CLASP1: variants seen among roughly 807,000 people sequenced by gnomAD.
CLASP1 encodes the protein cytoplasmic linker associated protein 1.
A neutral mutation model predicts 192.3 loss-of-function variants in CLASP1; 38 were observed. The ratio of observed to expected loss-of-function variants is 0.20; its 90% CI spans 0.15 to 0.26. CLASP1 has a LOEUF of 0.26. Among genes scored for constraint, CLASP1 ranks in the 10% least tolerant of loss-of-function variants. The probability of loss-of-function intolerance (pLI) is 1.00; values close to 1 mark genes in which losing one functional copy is unlikely to be tolerated. For missense variants in CLASP1, 1,433 were observed against 1,932.5 expected (o/e 0.74, Z 4.85); for synonymous variants, 691 against 712.8 (o/e 0.97, Z 0.49).
At chr2:121,418,775 T>C (rs2079015269) in intron 22 of CLASP1, 46 bp from the exon 23 acceptor site, 2 of 1,290,608 alleles carry the variant, frequency 1.5e-6, no homozygotes, top group Non-Finnish European at 2.2e-6. Flanking sequence ...ACAAGTTTAA[T>C]GAAGACAGAT....
At chr2:121,386,886 T>G (rs1038013060) in intron 32 of CLASP1, among the ~76,000 whole-genome samples, 1 of 152,164 alleles carries the variant, frequency 6.6e-6, no homozygotes, top group East Asian at 1.9e-4. Flanking sequence ...TAGTGAGTGT[T>G]TAGAGCTACA....
At chr2:121,391,933 G>A (rs779825498) in intron 30 of CLASP1, among the ~76,000 whole-genome samples, 2 of 152,118 alleles carry the variant, frequency 1.3e-5, no homozygotes, top group South Asian at 2.1e-4. Context: ...AAAGAGACTC[G>A]CAGTCACAGT....
chr2:121,517,442 G>T (rs1222177433), intron 6 of CLASP1, among the ~76,000 whole-genome samples: 1 of 152,194 alleles, frequency 6.6e-6, no homozygotes, highest in Non-Finnish European at 1.5e-5. Context: ...AGTGGAAAAA[G>T]GCAAATCTTA....
intron 2 of CLASP1, among the ~76,000 whole-genome samples, chr2:121,538,687 G>A (rs1166130511): frequency 1.3e-5 from 2 of 151,444 alleles, no homozygotes; most frequent in Non-Finnish European, 2.9e-5. Context: ...TCGGGAGGCT[G>A]AGGCAGAGAA....
intron 1 of CLASP1, among the ~76,000 whole-genome samples, chr2:121,633,293 T>C (rs545416108): frequency 1.3e-5 from 2 of 152,260 alleles, no homozygotes; most frequent in Non-Finnish European, 2.9e-5. Flanking sequence ...GATACAAGTA[T>C]ATCCCCCAGA....
At chr2:121,494,683 C>A (rs762810785) in intron 8 of CLASP1, among the ~76,000 whole-genome samples, 12 of 152,080 alleles carry the variant, frequency 7.9e-5, no homozygotes, top group Non-Finnish European at 1.6e-4. Flanking sequence ...ATGCAAAATA[C>A]CTATGTCACC....
At chr2:121,378,649 T>A (rs988232105) in intron 33 of CLASP1, among the ~76,000 whole-genome samples, 4 of 152,044 alleles carry the variant, frequency 2.6e-5, no homozygotes, top group Admixed American at 2.6e-4. Context: ...TAAAAAAAAA[T>A]CTTAGTTTAA....
intron 7 of CLASP1, among the ~76,000 whole-genome samples, chr2:121,508,541 A>G (rs1217461988): frequency 6.6e-6 from 1 of 152,192 alleles, no homozygotes; most frequent in Non-Finnish European, 1.5e-5. Context: ...GATTAAACCA[A>G]TGGAAAGTTA....
At chr2:121,403,723 C>T in intron 26 of CLASP1, 1 of 462,178 alleles carries the variant, frequency 2.2e-6, no homozygotes, top group Non-Finnish European at 4.4e-6. Context: ...TTTTCCACCA[C>T]CCCTGGAAAG....
At chr2:121,491,122 C>T (rs1454889735) in intron 8 of CLASP1, among the ~76,000 whole-genome samples, 21 of 152,142 alleles carry the variant, frequency 1.4e-4, no homozygotes, top group African/African-American at 2.4e-5. Flanking sequence ...AGAACTGATA[C>T]CTGTAATATT....
intron 17 of CLASP1, 97 bp from the exon 18 acceptor site, chr2:121,448,422 TCA>T: frequency 8.7e-7 from 1 of 1,154,336 alleles, no homozygotes; most frequent in Non-Finnish European, 1.3e-6. Context: ...AAGAATTATT[TCA>T]GAGTTTTCAG....
chr2:121,527,708 T>TGTAAA, intron 5 of CLASP1, 91 bp downstream of exon 5: 1 of 1,024,674 alleles, frequency 9.8e-7, no homozygotes, highest in Non-Finnish European at 1.5e-6. Flanking sequence ...CTACACTTCT[T>TGTAAA]TGCAACTTCC....
At chr2:121,643,824 G>A (rs552643611) in intron 1 of CLASP1, among the ~76,000 whole-genome samples, 6 of 152,234 alleles carry the variant, frequency 3.9e-5, no homozygotes, top group East Asian at 3.9e-4. Flanking sequence ...ATGATATCAC[G>A]AATGTAAAGT....
intron 2 of CLASP1, 80 bp downstream of exon 2, chr2:121,605,621 A>G: frequency 1.0e-6 from 1 of 991,164 alleles, no homozygotes; most frequent in Non-Finnish European, 1.6e-6. Context: ...ACTGCTCACA[A>G]GGGATTTTTA....
intron 37 of CLASP1, among the ~76,000 whole-genome samples, chr2:121,357,815 G>A (rs2065694908): frequency 6.6e-6 from 1 of 152,138 alleles, no homozygotes; most frequent in Non-Finnish European, 1.5e-5. Context: ...GGCTCAGCAG[G>A]GTTCAACCCA....
At chr2:121,374,336 T>C (rs2069472111) in intron 34 of CLASP1, among the ~76,000 whole-genome samples, 1 of 152,094 alleles carries the variant, frequency 6.6e-6, no homozygotes, top group African/African-American at 2.4e-5. Context: ...TTTTAGAGGA[T>C]GTATGAAAAT....
intron 7 of CLASP1, among the ~76,000 whole-genome samples, chr2:121,509,667 G>T (rs963526328): frequency 2.0e-4 from 31 of 152,052 alleles, no homozygotes; most frequent in Non-Finnish European, 7.4e-5. Flanking sequence ...GCAAAACCTC[G>T]TCTCTACTAA....
intron 14 of CLASP1, among the ~76,000 whole-genome samples, 179 bp downstream of exon 14, chr2:121,457,508 T>C (rs778452017): frequency 1.3e-5 from 2 of 151,616 alleles, no homozygotes; most frequent in Non-Finnish European, 2.9e-5. Flanking sequence ...ATAGAGGTTG[T>C]CCACATTCAT....
chr2:121,468,952 G>C (rs916967314), intron 9 of CLASP1, among the ~76,000 whole-genome samples: 1 of 152,094 alleles, frequency 6.6e-6, no homozygotes, highest in African/African-American at 2.4e-5. Context: ...AGTTTTCAGC[G>C]CTTTTGTGTT....
Sources: gnomAD v4.1 joint callset for allele counts (sites outside exome capture counted in the v4.1 genomes callset) on GRCh38, gnomAD v4.1.1 for gene constraint, MANE v1.5 for transcripts, NCBI Gene and HGNC (gene_info 2026-07-23, HGNC 2026-07-21) for gene names.